SH3RF3: variants seen among roughly 807,000 people sequenced by gnomAD.
SH3RF3 encodes E3 ubiquitin-protein ligase SH3RF3.
In SH3RF3, 29 loss-of-function variants were observed where a neutral mutation model predicts 66.3. The observed-to-expected ratio is 0.44, with a 90% confidence interval of 0.33 to 0.60. The LOEUF (loss-of-function observed/expected upper bound fraction) is 0.60, where lower values mean the gene tolerates loss of function less well. Among genes scored for constraint, SH3RF3 ranks in the 20% least tolerant of loss-of-function variants. The pLI is 0.04. For missense variants in SH3RF3, 1,194 were observed against 1,190.9 expected (o/e 1.00, Z -0.04); for synonymous variants, 583 against 532.0 (o/e 1.10, Z -1.32).
At chr2:109,167,241 C>A (rs916496802) in intron 1 of SH3RF3, among the ~76,000 whole-genome samples, 13 of 152,124 alleles carry the variant, frequency 8.5e-5, no homozygotes, top group African/African-American at 3.1e-4. Context: ...CATTTTTAGA[C>A]CAAAATGTAG....
intron 5 of SH3RF3, among the ~76,000 whole-genome samples, chr2:109,423,587 A>G (rs181914646): frequency 3.0e-4 from 46 of 152,238 alleles, no homozygotes; most frequent in Non-Finnish European, 5.0e-4. Flanking sequence ...AGTTCAAGAC[A>G]ATAAGACTCG....
intron 1 of SH3RF3, among the ~76,000 whole-genome samples, chr2:109,319,043 C>T (rs528716700): frequency 1.3e-5 from 2 of 152,342 alleles, no homozygotes; most frequent in Admixed American, 6.5e-5. Flanking sequence ...GGCTCTCCAT[C>T]GATCCTGGTG....
At chr2:109,207,845 A>G (rs1678876286) in intron 1 of SH3RF3, among the ~76,000 whole-genome samples, 1 of 152,148 alleles carries the variant, frequency 6.6e-6, no homozygotes, top group African/African-American at 2.4e-5. Context: ...ACTATACCTC[A>G]TATTGTTTGG....
At chr2:109,472,314 C>A (rs1559101719) in intron 8 of SH3RF3, among the ~76,000 whole-genome samples, 1 of 151,820 alleles carries the variant, frequency 6.6e-6, no homozygotes, top group Non-Finnish European at 1.5e-5. Flanking sequence ...CAGGGGCCTC[C>A]CGGGCCCTCC....
intron 8 of SH3RF3, among the ~76,000 whole-genome samples, chr2:109,459,976 C>T (rs1393907819): frequency 1.3e-5 from 2 of 152,118 alleles, no homozygotes; most frequent in Non-Finnish European, 2.9e-5. Flanking sequence ...GAATATTGTC[C>T]CAGCCCTGCA....
intron 8 of SH3RF3, among the ~76,000 whole-genome samples, chr2:109,462,341 G>A (rs1029262398): frequency 3.3e-5 from 5 of 151,918 alleles, no homozygotes; most frequent in Non-Finnish European, 7.4e-5. Flanking sequence ...AGCATTTGCC[G>A]AATTAATCAC....
intron 1 of SH3RF3, among the ~76,000 whole-genome samples, chr2:109,313,779 C>T (rs1415269655): frequency 3.9e-5 from 6 of 152,220 alleles, no homozygotes; most frequent in Admixed American, 2.0e-4. Flanking sequence ...TCAGCTGCTC[C>T]AGGCAGCTGT....
chr2:109,143,404 A>G (rs1330773931), intron 1 of SH3RF3, among the ~76,000 whole-genome samples: 2 of 152,186 alleles, frequency 1.3e-5, no homozygotes, highest in African/African-American at 2.4e-5. Context: ...CACAGGGCCA[A>G]TATCTGAAAG....
intron 1 of SH3RF3, among the ~76,000 whole-genome samples, chr2:109,261,049 A>G (rs778820553): frequency 6.6e-6 from 1 of 152,188 alleles, no homozygotes; most frequent in Non-Finnish European, 1.5e-5. Context: ...GGAGGTCAGT[A>G]GCATGAGCAC....
intron 1 of SH3RF3, among the ~76,000 whole-genome samples, chr2:109,260,174 C>T (rs988008160): frequency 1.3e-5 from 2 of 152,112 alleles, no homozygotes; most frequent in Non-Finnish European, 2.9e-5. Context: ...ACTTTCCTGG[C>T]GGCTGTTGAT....
At chr2:109,458,433 C>T (rs1164010279) in intron 8 of SH3RF3, among the ~76,000 whole-genome samples, 7 of 152,088 alleles carry the variant, frequency 4.6e-5, no homozygotes, top group Non-Finnish European at 7.4e-5. Flanking sequence ...TTTAAGGTCA[C>T]CTTACAACTC....
At chr2:109,157,889 G>A (rs928426041) in intron 1 of SH3RF3, among the ~76,000 whole-genome samples, 1 of 152,128 alleles carries the variant, frequency 6.6e-6, no homozygotes, top group African/African-American at 2.4e-5. Context: ...CCCTCAGGAT[G>A]GCTTTTCTCT....
At chr2:109,449,513 C>T (rs751570483) in intron 8 of SH3RF3, 24 bp downstream of exon 8, 5 of 1,608,384 alleles carry the variant, frequency 3.1e-6, no homozygotes, top group Non-Finnish European at 4.2e-6. Context: ...CCTGGACGAG[C>T]CCTGGGCTCG....
intron 1 of SH3RF3, among the ~76,000 whole-genome samples, chr2:109,132,948 A>G (rs1341623606): frequency 1.3e-5 from 2 of 152,226 alleles, no homozygotes; most frequent in African/African-American, 2.4e-5. Context: ...GACAATTCCA[A>G]TTTTGTTTTG....
chr2:109,175,698 G>C (rs1677899773), intron 1 of SH3RF3, among the ~76,000 whole-genome samples: 1 of 152,082 alleles, frequency 6.6e-6, no homozygotes, highest in African/African-American at 2.4e-5. Flanking sequence ...CTCAACTAAG[G>C]GACTTTTCTA....
intron 1 of SH3RF3, among the ~76,000 whole-genome samples, chr2:109,333,765 A>T (rs1277219618): frequency 1.3e-5 from 2 of 152,222 alleles, no homozygotes; most frequent in Non-Finnish European, 2.9e-5. Flanking sequence ...GACCTTGAAC[A>T]TGTTAATTAA....
At chr2:109,233,460 A>G (rs1333112598) in intron 1 of SH3RF3, among the ~76,000 whole-genome samples, 4 of 152,074 alleles carry the variant, frequency 2.6e-5, no homozygotes, top group Non-Finnish European at 5.9e-5. Context: ...GCACTGCTCT[A>G]CTTCTCTGCC....
intron 2 of SH3RF3, among the ~76,000 whole-genome samples, chr2:109,364,234 CAGAG>C (rs1449367061): frequency 1.3e-5 from 2 of 151,258 alleles, no homozygotes; most frequent in Non-Finnish European, 2.9e-5. Context: ...TCCTCAAGCT[CAGAG>C]AGTCTTTCCT....
intron 2 of SH3RF3, among the ~76,000 whole-genome samples, chr2:109,367,251 A>G (rs765750439): frequency 2.0e-5 from 3 of 151,170 alleles, no homozygotes; most frequent in Admixed American, 6.6e-5. Context: ...GGTGTGAGCC[A>G]CTGTGCCCGT....
Sources: gnomAD v4.1 joint callset for allele counts (sites outside exome capture counted in the v4.1 genomes callset) on GRCh38, gnomAD v4.1.1 for gene constraint, MANE v1.5 for transcripts, NCBI Gene and HGNC (gene_info 2026-07-23, HGNC 2026-07-21) for gene names.